Variants in DLG2 observed in about 807,000 individuals in gnomAD.
DLG2 encodes the protein discs large MAGUK scaffold protein 2, also known as disks large homolog 2.
DLG2 carries 45 observed loss-of-function variants against 132.5 expected under a neutral mutation model. That is an observed-to-expected ratio of 0.34 (90% CI 0.27 to 0.44). DLG2 has a LOEUF of 0.44. DLG2 is among the 20% of genes least tolerant of loss of function. The probability of loss-of-function intolerance (pLI) is 1.00; values close to 1 mark genes in which losing one functional copy is unlikely to be tolerated. For synonymous variants in DLG2, 424 were observed against 419.6 expected (o/e 1.01, Z -0.13); for missense variants, 1,045 against 1,196.9 (o/e 0.87, Z 1.87).
At chr11:85,126,566 A>G (rs1289452728) in intron 5 of DLG2, among the ~76,000 whole-genome samples, 2 of 152,088 alleles carry the variant, frequency 1.3e-5, no homozygotes, top group African/African-American at 4.8e-5. Context: ...TTTCCCTACT[A>G]TTAGCTGTAT....
chr11:85,589,487 G>A (rs1430446647), intron 3 of DLG2, among the ~76,000 whole-genome samples: 5 of 152,142 alleles, frequency 3.3e-5, no homozygotes, highest in Admixed American at 2.0e-4. Flanking sequence ...TGTCAAGTCA[G>A]GGCAGGGTTA....
chr11:84,502,338 CTTT>C (rs1567805944), intron 7 of DLG2, among the ~76,000 whole-genome samples: 8 of 31,336 alleles, frequency 2.6e-4, no homozygotes, highest in South Asian at 1.0e-3. Flanking sequence ...TTCTTTCTTT[CTTT>C]CTTTCTTTCT....
intron 6 of DLG2, among the ~76,000 whole-genome samples, chr11:85,043,103 C>G (rs1018361323): frequency 2.0e-5 from 3 of 151,852 alleles, no homozygotes; most frequent in African/African-American, 7.2e-5. Flanking sequence ...CATCCCTACA[C>G]TAATAGATTT....
At chr11:84,737,042 T>G (rs1267447051) in intron 6 of DLG2, among the ~76,000 whole-genome samples, 1 of 151,974 alleles carries the variant, frequency 6.6e-6, no homozygotes, top group East Asian at 1.9e-4. Flanking sequence ...TCCCTTCTAT[T>G]TATATTTTGC....
rs2074723868 is a variant in DLG2 at position 85,526,144 on chromosome 11, C to T, written c.40+72513G>A. 2.0e-5 allele frequency among the ~76,000 whole-genome samples: 3 copies of T among 152,164 alleles called. No individual in the cohort carries two copies. The South Asian group carries it at 6.2e-4, about 32-fold the overall frequency. On this transcript the variant is annotated intron_variant, in intron 3 of 27. Coordinates refer to ENST00000376104, the MANE Select transcript of DLG2 (RefSeq NM_001142699.3). ...GGAAGAATTAGCCCTAGACTAACTGCTACTCTAGTCTTGTTTAACAAAGCA... is the reference window on the plus strand; with the variant it reads ...GGAAGAATTAGCCCTAGACTAACTGTTACTCTAGTCTTGTTTAACAAAGCA...
chr11:84,195,026 G>C (rs1360373019), intron 8 of DLG2, among the ~76,000 whole-genome samples: 1 of 152,158 alleles, frequency 6.6e-6, no homozygotes, highest in African/African-American at 2.4e-5. Flanking sequence ...GCCCAGAGAG[G>C]GGCTCCCACA....
chr11:83,727,099 T>C (rs2090149223), intron 18 of DLG2, among the ~76,000 whole-genome samples: 1 of 152,228 alleles, frequency 6.6e-6, no homozygotes, highest in South Asian at 2.1e-4. Context: ...AGTGTTGTTT[T>C]AACAATATAA....
intron 6 of DLG2, among the ~76,000 whole-genome samples, chr11:84,973,820 T>G (rs939519618): frequency 6.6e-6 from 1 of 152,178 alleles, no homozygotes; most frequent in African/African-American, 2.4e-5. Context: ...TAGGGTTGTA[T>G]TCCATGAATA....
chr11:85,570,312 G>A (rs1429685551), intron 3 of DLG2, among the ~76,000 whole-genome samples: 3 of 152,010 alleles, frequency 2.0e-5, no homozygotes, highest in African/African-American at 7.2e-5. Context: ...TATAATCTAT[G>A]GTCTATCCTC....
At chr11:84,870,491 G>A (rs575681585) in intron 6 of DLG2, among the ~76,000 whole-genome samples, 105 of 152,236 alleles carry the variant, frequency 6.9e-4, no homozygotes, top group African/African-American at 2.5e-3. Context: ...GATTATGAGA[G>A]AATGACATAA....
intron 8 of DLG2, among the ~76,000 whole-genome samples, chr11:84,212,875 G>A (rs761441543): frequency 2.0e-5 from 3 of 152,160 alleles, no homozygotes; most frequent in Non-Finnish European, 4.4e-5. Flanking sequence ...AGCCAGGATG[G>A]TCTTGATCAC....
chr11:85,217,719 C>T (rs1295409350), intron 4 of DLG2, among the ~76,000 whole-genome samples: 2 of 152,208 alleles, frequency 1.3e-5, no homozygotes, highest in Non-Finnish European at 2.9e-5. Flanking sequence ...ACCACAGTCT[C>T]TCCTGATTCC....
At chr11:84,493,452 A>G (rs1263895501) in intron 7 of DLG2, among the ~76,000 whole-genome samples, 3 of 151,894 alleles carry the variant, frequency 2.0e-5, no homozygotes, top group Non-Finnish European at 4.4e-5. Flanking sequence ...CCCCCTTCCC[A>G]TCCTCTCCAA....
At chr11:84,655,948 A>G (rs954369387) in intron 6 of DLG2, among the ~76,000 whole-genome samples, 34 of 152,158 alleles carry the variant, frequency 2.2e-4, no homozygotes, top group Non-Finnish European at 4.9e-4. Context: ...ACATTCCAGT[A>G]GAATATTGAT....
chr11:84,205,604 T>A (rs1254790625), intron 8 of DLG2, among the ~76,000 whole-genome samples: 1 of 151,096 alleles, frequency 6.6e-6, no homozygotes, highest in African/African-American at 2.4e-5. Flanking sequence ...TATTTGTGAG[T>A]CAAATAAAAG....
At chr11:84,133,985 T>A (rs1044799487) in intron 9 of DLG2, among the ~76,000 whole-genome samples, 1 of 152,088 alleles carries the variant, frequency 6.6e-6, no homozygotes. Flanking sequence ...CTAGCTCTAA[T>A]ATTTTCTGAT....
chr11:84,617,430 T>A (rs1157555141), intron 6 of DLG2, among the ~76,000 whole-genome samples: 1 of 152,154 alleles, frequency 6.6e-6, no homozygotes, highest in Admixed American at 6.5e-5. Flanking sequence ...TTATAAACAG[T>A]GCCAGAATAA....
At chr11:84,583,090 A>G (rs1449185485) in intron 6 of DLG2, among the ~76,000 whole-genome samples, 1 of 152,168 alleles carries the variant, frequency 6.6e-6, no homozygotes, top group Non-Finnish European at 1.5e-5. Context: ...TGTCATTTTT[A>G]TGCTTCATTT....
intron 6 of DLG2, among the ~76,000 whole-genome samples, chr11:84,760,101 G>C (rs1194904656): frequency 3.3e-5 from 5 of 152,130 alleles, no homozygotes; most frequent in Non-Finnish European, 7.4e-5. Context: ...ACATGCTTTA[G>C]TTTAGAAACC....
Sources: allele counts gnomAD v4.1 joint callset (sites outside exome capture counted in the v4.1 genomes callset), GRCh38; gene constraint gnomAD v4.1.1; transcripts MANE v1.5; gene names NCBI Gene and HGNC (gene_info 2026-07-23, HGNC 2026-07-21).